MAL2: variants seen among roughly 807,000 people sequenced by gnomAD.
MAL2 encodes protein MAL2.
Under a neutral mutation model 18.1 loss-of-function variants are expected in MAL2, and 17 were observed. That is an observed-to-expected ratio of 0.94 (90% CI 0.64 to 1.41). The LOEUF is 1.41. Among genes scored for constraint, MAL2 ranks in the 40% most tolerant of loss-of-function variants. The pLI is 0.00. For missense variants in MAL2, 222 were observed against 231.9 expected (o/e 0.96, Z 0.28); for synonymous variants, 102 against 102.3 (o/e 1.00, Z 0.02).
intron 3 of MAL2, among the ~76,000 whole-genome samples, chr8:119,242,265 G>A (rs112938268): frequency 0.021 from 3,148 of 152,102 alleles, 57 homozygotes; most frequent in African/African-American, 0.051. Flanking sequence ...CTAGTTTTCC[G>A]TGTTCTCCAT....
At chr8:119,224,635 C>G (rs1278556812) in intron 2 of MAL2, among the ~76,000 whole-genome samples, 1 of 151,938 alleles carries the variant, frequency 6.6e-6, no homozygotes, top group African/African-American at 2.4e-5. Context: ...GTTAGTGTAA[C>G]AGCCCCCCGA....
At chr8:119,227,532 G>A (rs1817621143) in intron 2 of MAL2, among the ~76,000 whole-genome samples, 1 of 152,152 alleles carries the variant, frequency 6.6e-6, no homozygotes, top group African/African-American at 2.4e-5. Flanking sequence ...GTGGGGTTGG[G>A]GGATATCCAG....
intron 1 of MAL2, 44 bp from the exon 2 acceptor site, chr8:119,221,543 A>G (rs1250163789): frequency 6.2e-7 from 1 of 1,606,484 alleles, no homozygotes; most frequent in Non-Finnish European, 8.5e-7. Context: ...GTTGTGTGAA[A>G]GGTATCTTTT....
chr8:119,220,105 C>T (rs1216676264), intron 1 of MAL2, among the ~76,000 whole-genome samples: 1 of 152,134 alleles, frequency 6.6e-6, no homozygotes, highest in African/African-American at 2.4e-5. Context: ...CTTGGAATGC[C>T]AGGCATGGTA....
At position 119,208,803 on chromosome 8, in the gene MAL2, G is replaced by A; in HGVS notation, c.132+199G>A. 3.6e-6 allele frequency: 3 copies of A among 831,374 alleles called. No individual in the cohort carries two copies. The highest frequency in any genetic ancestry group is 4.8e-6 in the Non-Finnish European group (3 of 630,128). The allele number at this position is 831,374 out of a possible 1,614,324, so 51.5% of individuals were successfully genotyped here. ...CTCCCTCCTAGCACCTGTTACGCGG[G>A]CACCTGCTCCCCCGCGGGCGACGGA... is the stretch of plus-strand genomic sequence containing the variant. On this transcript the variant is annotated intron_variant, in intron 1 of 3. Coordinates refer to ENST00000614891, the MANE Select transcript of MAL2 (RefSeq NM_052886.3). The surrounding 1 kb of genome is among the most constrained non-coding windows in gnomAD (Gnocchi z 4.3).
chr8:119,210,991 C>T (rs185435921), intron 1 of MAL2, among the ~76,000 whole-genome samples: 4 of 152,262 alleles, frequency 2.6e-5, no homozygotes, highest in African/African-American at 2.4e-5. Flanking sequence ...CGGCTCTCAT[C>T]CTTTAGGACT....
At chr8:119,219,520 GGTGTGTGTGTGTGTGTGTGTGT>G (rs143315878) in intron 1 of MAL2, among the ~76,000 whole-genome samples, 1 of 147,898 alleles carries the variant, frequency 6.8e-6, no homozygotes, top group African/African-American at 2.5e-5. Flanking sequence ...ACTCTCCCTG[GGTGTGTGTGTGTGTGTGTGTGT>G]GTGTGTGTGT....
At chr8:119,235,187 T>C (rs1817851945) in intron 2 of MAL2, among the ~76,000 whole-genome samples, 1 of 151,964 alleles carries the variant, frequency 6.6e-6, no homozygotes. Context: ...GCGAATGCGA[T>C]CAACTGGAAG....
At position 119,221,757 on chromosome 8, in the gene MAL2, G is replaced by A; in HGVS notation, c.303G>A (p.Leu101=). 1 of 1,613,180 alleles carries A rather than the reference G, an allele frequency of 6.2e-7. No homozygotes were observed. Among genetic ancestry groups the A allele is most frequent in the African/African-American group, 1.3e-5 (1 of 74,860 alleles). The change falls in exon 2 of 4, where the codon CTG becomes CTA. Residue 101 remains leucine (L), a splice_region_variant and synonymous_variant. Coordinates refer to ENST00000614891, the MANE Select transcript of MAL2 (RefSeq NM_052886.3). ...AAATTGATGCTAACTGGAACTTCCT[G>A]GTAAGGACTTTTTATTTTAAGTCTA... is the stretch of plus-strand genomic sequence containing the variant. ...VAQIDANWNF[L]DFAYHFTVFV... is the part of the protein sequence containing the mutation.
intron 2 of MAL2, among the ~76,000 whole-genome samples, chr8:119,238,601 G>T (rs1044055432): frequency 9.4e-5 from 14 of 148,624 alleles, no homozygotes; most frequent in Non-Finnish European, 1.6e-4. Context: ...GAACAGAACA[G>T]AGCCCTCAGA....
At chr8:119,225,887 T>C (rs1011740035) in intron 2 of MAL2, among the ~76,000 whole-genome samples, 7 of 152,268 alleles carry the variant, frequency 4.6e-5, no homozygotes, top group Non-Finnish European at 1.0e-4. Flanking sequence ...TGAGCATTTT[T>C]TCATGTGTCT....
intron 2 of MAL2, among the ~76,000 whole-genome samples, chr8:119,232,101 TA>T (rs11365630): frequency 0.078 from 11,924 of 151,950 alleles, 1,349 homozygotes; most frequent in African/African-American, 0.25. Context: ...AGGTTTTATA[TA>T]TTTTTTTATA....
chr8:119,229,966 T>C (rs765311310), intron 2 of MAL2, among the ~76,000 whole-genome samples: 12 of 152,206 alleles, frequency 7.9e-5, no homozygotes, highest in Non-Finnish European at 1.3e-4. Context: ...CTCAGGTCAA[T>C]ATCATATGTG....
intron 2 of MAL2, among the ~76,000 whole-genome samples, chr8:119,231,869 A>AATTCACAGAAGT: frequency 6.6e-6 from 1 of 152,194 alleles, no homozygotes; most frequent in African/African-American, 2.4e-5. Flanking sequence ...TGAACAGTTG[A>AATTCACAGAAGT]ATTCACAGAA....
At chr8:119,227,814 G>A (rs909358380) in intron 2 of MAL2, among the ~76,000 whole-genome samples, 13 of 152,044 alleles carry the variant, frequency 8.6e-5, no homozygotes, top group Non-Finnish European at 1.5e-4. Flanking sequence ...TGACATCTCC[G>A]TTCACTGGAG....
intron 2 of MAL2, among the ~76,000 whole-genome samples, chr8:119,231,229 T>A (rs1817718638): frequency 1.3e-5 from 2 of 152,158 alleles, no homozygotes; most frequent in Non-Finnish European, 2.9e-5. Context: ...AGACAGGGTT[T>A]CACTGTGTTA....
At chr8:119,221,795 G>A in intron 2 of MAL2, 38 bp downstream of exon 2, 1 of 1,598,872 alleles carries the variant, frequency 6.3e-7, no homozygotes, top group Non-Finnish European at 8.6e-7. Context: ...GCAGGAAGAT[G>A]GGAGAAACCT....
At chr8:119,214,698 T>C (rs1817320086) in intron 1 of MAL2, among the ~76,000 whole-genome samples, 1 of 152,238 alleles carries the variant, frequency 6.6e-6, no homozygotes, top group Non-Finnish European at 1.5e-5. Context: ...ATTGGAGGTT[T>C]AGGTCACATG....
intron 1 of MAL2, among the ~76,000 whole-genome samples, chr8:119,220,862 G>A (rs113304947): frequency 2.6e-5 from 4 of 152,244 alleles, no homozygotes; most frequent in African/African-American, 9.6e-5. Context: ...CTTTTTAATC[G>A]CTTGCTTACT....
Sources: allele counts gnomAD v4.1 joint callset (sites outside exome capture counted in the v4.1 genomes callset), GRCh38; gene constraint gnomAD v4.1.1; non-coding constraint Gnocchi (gnomAD v3.1); transcripts MANE v1.5; gene names NCBI Gene and HGNC (gene_info 2026-07-23, HGNC 2026-07-21).